The following FGF12 variants were observed in gnomAD, a reference collection of about 807,000 sequenced individuals.
The protein encoded by FGF12 is fibroblast growth factor 12B.
FGF12 carries 14 observed loss-of-function variants against 23.6 expected under a neutral mutation model. The ratio of observed to expected loss-of-function variants is 0.59; its 90% CI spans 0.39 to 0.93. The LOEUF (loss-of-function observed/expected upper bound fraction) is 0.93, where lower values mean the gene tolerates loss of function less well. Among genes scored for constraint, FGF12 ranks in the 40% least tolerant of loss-of-function variants. The pLI is 0.00. For synonymous variants in FGF12, 62 were observed against 77.3 expected (o/e 0.80, Z 1.04); for missense variants, 175 against 217.8 (o/e 0.80, Z 1.24).
intron 2 of FGF12, among the ~76,000 whole-genome samples, chr3:192,585,937 G>C (rs1331641286): frequency 6.6e-6 from 1 of 152,102 alleles, no homozygotes; most frequent in African/African-American, 2.4e-5. Context: ...GCATACAGTA[G>C]TAGCAGTAAT....
chr3:192,342,560 C>G (rs1717743944), intron 3 of FGF12, among the ~76,000 whole-genome samples: 1 of 152,074 alleles, frequency 6.6e-6, no homozygotes, highest in Non-Finnish European at 1.5e-5. Flanking sequence ...CACTTGAGCC[C>G]AGGAGTTTGC....
At chr3:192,691,145 C>T (rs1717930041) in intron 2 of FGF12, among the ~76,000 whole-genome samples, 1 of 152,058 alleles carries the variant, frequency 6.6e-6, no homozygotes, top group African/African-American at 2.4e-5. Flanking sequence ...AAATATCAAT[C>T]ATAAACTATT....
At chr3:192,570,913 G>A (rs1712603322) in intron 2 of FGF12, among the ~76,000 whole-genome samples, 1 of 152,154 alleles carries the variant, frequency 6.6e-6, no homozygotes, top group South Asian at 2.1e-4. Flanking sequence ...TCTGGCATCC[G>A]TCCTAGCAAG....
intron 4 of FGF12, among the ~76,000 whole-genome samples, chr3:192,227,868 T>G (rs1718822066): frequency 6.6e-6 from 1 of 152,142 alleles, no homozygotes; most frequent in African/African-American, 2.4e-5. Context: ...CTGCAAATAG[T>G]TGAAGCAAGG....
intron 2 of FGF12, among the ~76,000 whole-genome samples, chr3:192,382,354 C>T (rs1719854226): frequency 6.6e-6 from 1 of 152,130 alleles, no homozygotes; most frequent in African/African-American, 2.4e-5. Flanking sequence ...AGTCCATCTA[C>T]ACTCAGGCTG....
At chr3:192,692,531 C>T in intron 2 of FGF12, among the ~76,000 whole-genome samples, 1 of 151,858 alleles carries the variant, frequency 6.6e-6, no homozygotes, top group East Asian at 1.9e-4. Context: ...GTGGTGAAAC[C>T]CTGTCTCTAC....
intron 4 of FGF12, among the ~76,000 whole-genome samples, chr3:192,188,942 T>C (rs1478161717): frequency 6.6e-6 from 1 of 152,238 alleles, no homozygotes; most frequent in African/African-American, 2.4e-5. Context: ...TATGAAAAAG[T>C]CTGAAGTTCA....
intron 2 of FGF12, among the ~76,000 whole-genome samples, chr3:192,713,446 G>A (rs1718759493): frequency 6.6e-6 from 1 of 152,158 alleles, no homozygotes; most frequent in Non-Finnish European, 1.5e-5. Flanking sequence ...GACAAAAATA[G>A]CAAGTAAAAA....
intron 5 of FGF12, among the ~76,000 whole-genome samples, chr3:192,158,244 C>G (rs1714544601): frequency 6.6e-6 from 1 of 152,102 alleles, no homozygotes; most frequent in Non-Finnish European, 1.5e-5. Flanking sequence ...TCCCCTTGTA[C>G]CTCAAGCTTC....
chr3:192,719,786 C>CAAAAAAAAAAA (rs553013127), intron 2 of FGF12, among the ~76,000 whole-genome samples: 1 of 102,304 alleles, frequency 9.8e-6, no homozygotes, highest in East Asian at 3.3e-4. Context: ...AGACTAAGGG[C>CAAAAAAAAAAA]AAAAAAAAAA....
chr3:192,458,602 C>T (rs1722757830), intron 2 of FGF12, among the ~76,000 whole-genome samples: 1 of 152,138 alleles, frequency 6.6e-6, no homozygotes, highest in Non-Finnish European at 1.5e-5. Flanking sequence ...AATAACTGTA[C>T]CCCCACTGTA....
At chr3:192,213,645 C>T (rs1312667101) in intron 4 of FGF12, among the ~76,000 whole-genome samples, 2 of 152,114 alleles carry the variant, frequency 1.3e-5, no homozygotes, top group African/African-American at 4.8e-5. Context: ...ATTTTAACTG[C>T]CTCATTTCAG....
At position 192,140,121 on chromosome 3, in the gene FGF12, T is replaced by C. The variant is rs796156195; in HGVS notation, c.*3888A>G. On this transcript the variant is annotated 3_prime_UTR_variant, in exon 6 of 6. Coordinates refer to ENST00000445105, the MANE Select transcript of FGF12 (RefSeq NM_004113.6). Reference sequence around the variant, plus strand: ...ATGTATAAAGTTTTGCATTCAAATCTCTTTATTTTTGATTACCTATGACTA... The same window carrying C: ...ATGTATAAAGTTTTGCATTCAAATCCCTTTATTTTTGATTACCTATGACTA... 10 of 152,200 alleles carry C rather than the reference T, an allele frequency of 6.6e-5. No homozygotes were observed. The highest frequency in any genetic ancestry group is 2.4e-4 in the African/African-American group (10 of 41,572). The allele number at this position is 152,200 out of a possible 1,614,324, so 9.4% of individuals were successfully genotyped here.
intron 4 of FGF12, among the ~76,000 whole-genome samples, chr3:192,251,356 T>C (rs1711999197): frequency 6.6e-6 from 1 of 152,202 alleles, no homozygotes; most frequent in Non-Finnish European, 1.5e-5. Flanking sequence ...TATAACTCTA[T>C]TGTACTATTA....
At chr3:192,507,583 T>C (rs1256377689) in intron 2 of FGF12, among the ~76,000 whole-genome samples, 1 of 152,176 alleles carries the variant, frequency 6.6e-6, no homozygotes, top group African/African-American at 2.4e-5. Context: ...AAGGTAATGA[T>C]TGATGTTCTC....
rs570447347 is a variant in FGF12, at chr3:192,321,539, C to T, written c.228+13822G>A. Among the ~76,000 whole-genome samples the T allele has an allele frequency of 1.4e-4, 21 of 149,440 alleles. No individual in the cohort carries two copies. In the South Asian group the frequency reaches 4.0e-3, roughly 29 times the overall value. On this transcript the variant is annotated intron_variant, in intron 4 of 5. Transcript: ENST00000445105. ...ACACAAAAAAACTATAGGCTAGTGT[C>T]TCTGTTGAATACTGATGCAAAAACA... is the stretch of plus-strand genomic sequence containing the variant.
At chr3:192,675,421 A>G (rs899480413) in intron 2 of FGF12, among the ~76,000 whole-genome samples, 1 of 152,168 alleles carries the variant, frequency 6.6e-6, no homozygotes, top group Non-Finnish European at 1.5e-5. Context: ...TTTATGATAT[A>G]AGAGGATTAT....
intron 4 of FGF12, among the ~76,000 whole-genome samples, chr3:192,190,403 AT>A (rs1026812450): frequency 1.1e-4 from 16 of 150,348 alleles, no homozygotes; most frequent in Admixed American, 2.7e-4. Flanking sequence ...GAGCTACAAT[AT>A]TCTTTTTATA....
chr3:192,156,529 C>T (rs149309079), intron 5 of FGF12, among the ~76,000 whole-genome samples: 29 of 149,734 alleles, frequency 1.9e-4, no homozygotes, highest in African/African-American at 7.1e-4. Flanking sequence ...GTTCAGTGTC[C>T]TAAAGATGCA....
Sources: gnomAD v4.1 joint callset for allele counts (sites outside exome capture counted in the v4.1 genomes callset) on GRCh38, gnomAD v4.1.1 for gene constraint, MANE v1.5 for transcripts, NCBI Gene and HGNC (gene_info 2026-07-23, HGNC 2026-07-21) for gene names.